The following WWP2 variants were observed in gnomAD, a reference collection of about 807,000 sequenced individuals.
WWP2 encodes the protein WW domain containing E3 ubiquitin protein ligase 2.
WWP2 carries 57 observed loss-of-function variants against 121.0 expected under a neutral mutation model. The ratio of observed to expected loss-of-function variants is 0.47; its 90% CI spans 0.38 to 0.59. WWP2 has a LOEUF of 0.59. WWP2 is among the 20% of genes least tolerant of loss of function. The pLI is 0.00. For missense variants in WWP2, 962 were observed against 1,158.9 expected (o/e 0.83, Z 2.47); for synonymous variants, 449 against 441.3 (o/e 1.02, Z -0.22).
intron 7 of WWP2, among the ~76,000 whole-genome samples, chr16:69,880,618 A>G (rs1473083062): frequency 2.0e-5 from 3 of 152,166 alleles, no homozygotes; most frequent in Non-Finnish European, 2.9e-5. Context: ...CTCACGTAAT[A>G]TAACTGTTTT....
At chr16:69,807,598 G>A in intron 4 of WWP2, among the ~76,000 whole-genome samples, 1 of 128,344 alleles carries the variant, frequency 7.8e-6, no homozygotes, top group Admixed American at 8.7e-5. Flanking sequence ...CTGCCTGGGT[G>A]ACAGAGCAAG....
At chr16:69,849,796 A>G (rs2057166982) in intron 6 of WWP2, among the ~76,000 whole-genome samples, 1 of 149,710 alleles carries the variant, frequency 6.7e-6, no homozygotes, top group Admixed American at 6.6e-5. Context: ...CAACATAGGG[A>G]GACCCTGTCT....
chr16:69,901,538 G>A (rs2058205401), intron 8 of WWP2, among the ~76,000 whole-genome samples: 1 of 151,956 alleles, frequency 6.6e-6, no homozygotes, highest in Non-Finnish European at 1.5e-5. Context: ...TCAGCCTCCC[G>A]AGTAGCTGGG....
At chr16:69,927,453 C>T (rs1476827394) in intron 11 of WWP2, among the ~76,000 whole-genome samples, 1 of 152,220 alleles carries the variant, frequency 6.6e-6, no homozygotes, top group Admixed American at 6.5e-5. Context: ...CTGAATATGT[C>T]TGAGTCCCTT....
intron 7 of WWP2, among the ~76,000 whole-genome samples, chr16:69,884,857 T>C (rs2057895252): frequency 6.6e-6 from 1 of 152,150 alleles, no homozygotes; most frequent in South Asian, 2.1e-4. Flanking sequence ...ATGGGGAGGT[T>C]TCTCTTTACA....
intron 1 of WWP2, among the ~76,000 whole-genome samples, chr16:69,766,258 A>G (rs1407054502): frequency 1.3e-5 from 2 of 152,068 alleles, no homozygotes; most frequent in Non-Finnish European, 1.5e-5. Context: ...CTCGTCCACA[A>G]AGCCTACTGG....
chr16:69,841,282 G>C (rs140880900), intron 5 of WWP2, among the ~76,000 whole-genome samples: 2 of 152,260 alleles, frequency 1.3e-5, no homozygotes, highest in Admixed American at 1.3e-4. Flanking sequence ...AAAACCACAG[G>C]GTGCTATGAG....
chr16:69,829,973 C>G (rs1233611665), intron 4 of WWP2, among the ~76,000 whole-genome samples: 1 of 88,324 alleles, frequency 1.1e-5, no homozygotes, highest in Admixed American at 1.2e-4. Context: ...TTTTTTTTTT[C>G]AGATAGAGTC....
chr16:69,893,278 G>A (rs947657051), intron 8 of WWP2, among the ~76,000 whole-genome samples: 7 of 152,138 alleles, frequency 4.6e-5, no homozygotes, highest in African/African-American at 1.7e-4. Flanking sequence ...GCTATTCTTG[G>A]CTCTGCACAC....
At chr16:69,821,536 G>T (rs1030059782) in intron 4 of WWP2, among the ~76,000 whole-genome samples, 2 of 152,154 alleles carry the variant, frequency 1.3e-5, no homozygotes, top group African/African-American at 4.8e-5. Context: ...TCTGTGAGGT[G>T]TCGGCTTTGG....
In WWP2 at chr16:69,925,398, C is replaced by A. The variant is rs758313256; in HGVS notation, c.1180-32C>A. 1 of 1,605,266 alleles carries A rather than the reference C, an allele frequency of 6.2e-7. No individual in the cohort carries two copies. The highest frequency in any genetic ancestry group is 1.1e-5 in the South Asian group (1 of 89,996). On this transcript the variant is annotated intron_variant, in intron 10 of 23. Transcript: ENST00000359154. This position sits in a 1 kb window ranked among gnomAD's most constrained non-coding sequence, Gnocchi z 4.0. ...TTTTTTCACCAGTGGCTTTTTGTAA[C>A]CTCTGTGTTCTGCTGTGTTTCTTGT...
At chr16:69,836,453 G>A (rs760354678) in intron 4 of WWP2, among the ~76,000 whole-genome samples, 2 of 152,004 alleles carry the variant, frequency 1.3e-5, no homozygotes, top group African/African-American at 2.4e-5. Context: ...GTGGCATCAG[G>A]TTGCCTTGCT....
At chr16:69,883,349 G>A (rs1260630021) in intron 7 of WWP2, among the ~76,000 whole-genome samples, 2 of 151,616 alleles carry the variant, frequency 1.3e-5, no homozygotes, top group African/African-American at 4.8e-5. Flanking sequence ...GTTGTGATGG[G>A]GTGGATTGAC....
At chr16:69,812,476 C>A (rs57585852) in intron 4 of WWP2, among the ~76,000 whole-genome samples, 1,502 of 125,852 alleles carry the variant, frequency 0.012, 65 homozygotes, top group African/African-American at 0.051. Context: ...CAACCCCCCC[C>A]CTTTTTTTTT....
chr16:69,865,285 G>A (rs1174680747), intron 6 of WWP2, among the ~76,000 whole-genome samples: 1 of 149,672 alleles, frequency 6.7e-6, no homozygotes, highest in Non-Finnish European at 1.5e-5. Context: ...CCCGACCTCA[G>A]GTGATCCGCC....
chr16:69,907,968 C>A (rs543824062), intron 8 of WWP2, among the ~76,000 whole-genome samples: 3 of 152,130 alleles, frequency 2.0e-5, no homozygotes, highest in Non-Finnish European at 4.4e-5. Flanking sequence ...AAGCCGGGTG[C>A]GGTGGCTCAC....
chr16:69,882,379 C>T (rs937627023), intron 7 of WWP2, among the ~76,000 whole-genome samples: 1 of 152,198 alleles, frequency 6.6e-6, no homozygotes, highest in African/African-American at 2.4e-5. Context: ...TTGAAACTCA[C>T]CTATTCAATC....
At chr16:69,778,588 A>G (rs897083588) in intron 1 of WWP2, among the ~76,000 whole-genome samples, 2 of 151,940 alleles carry the variant, frequency 1.3e-5, no homozygotes, top group Admixed American at 1.3e-4. Flanking sequence ...ATGGGAGGCA[A>G]AAGCTGAGAG....
intron 6 of WWP2, among the ~76,000 whole-genome samples, chr16:69,859,656 C>T (rs1276880823): frequency 6.6e-5 from 10 of 152,212 alleles, no homozygotes; most frequent in Admixed American, 2.6e-4. Context: ...TGACCATCAG[C>T]GGGGGTCCCT....
Sources: gnomAD v4.1 joint callset for allele counts (sites outside exome capture counted in the v4.1 genomes callset) on GRCh38, gnomAD v4.1.1 for gene constraint, Gnocchi (gnomAD v3.1) non-coding constraint, MANE v1.5 for transcripts, NCBI Gene and HGNC (gene_info 2026-07-23, HGNC 2026-07-21) for gene names.